The following ADAM12 variants were observed in gnomAD, a reference collection of about 807,000 sequenced individuals.
ADAM12 encodes the protein ADAM metallopeptidase domain 12, also known as disintegrin and metalloproteinase domain-containing protein 12.
A neutral mutation model predicts 106.4 loss-of-function variants in ADAM12; 70 were observed. The observed-to-expected ratio is 0.66, with a 90% CI of 0.54 to 0.80. The LOEUF is 0.80. ADAM12 is among the 30% of genes least tolerant of loss of function. The pLI, the probability that ADAM12 is intolerant of heterozygous loss-of-function variation, is 0.00. For missense variants in ADAM12, 1,010 were observed against 1,171.9 expected (o/e 0.86, Z 2.02); for synonymous variants, 420 against 433.5 (o/e 0.97, Z 0.39).
rs548350066 is a variant in ADAM12 at position 126,304,806 on chromosome 10, T to C, written c.186+25606A>G. Among the ~76,000 whole-genome samples, 6 of 151,870 alleles carry C rather than the reference T, an allele frequency of 4.0e-5. No homozygotes were observed. The South Asian group carries it at 1.0e-3, about 26-fold the overall frequency. On this transcript the variant is annotated intron_variant, in intron 2 of 22. Transcript: ENST00000448723. ...TCTGAACGTTTACAAAAAAAAAATATATTTGAATGGCCAATAAGTTCCATG... is the reference window on the plus strand; with the variant it reads ...TCTGAACGTTTACAAAAAAAAAATACATTTGAATGGCCAATAAGTTCCATG...
chr10:126,049,568 C>A lies in ADAM12; in HGVS notation c.1711G>T (p.Glu571Ter). 6.2e-7 allele frequency: 1 copy of A among 1,614,128 alleles called. No individual in the cohort carries two copies. The highest frequency in any genetic ancestry group is 8.5e-7 in the Non-Finnish European group (1 of 1,179,988). The change falls in exon 15 of 23, where the codon GAG becomes TAG. Residue 571 changes from glutamate to a stop codon, truncating the protein, a stop_gained. Transcript: ENST00000448723. LOFTEE classifies it high-confidence loss of function. This position sits in a 1 kb window ranked among gnomAD's most constrained non-coding sequence, Gnocchi z 4.4. ...KVSKSSFAKC[E>*]MRDAKCGKIQ... Reference sequence around the variant, plus strand: ...GATGTCTGGATTCCATACCTCATCTCGCATTTGGCAAAGGAACTCTTCGAG... The same window carrying A: ...GATGTCTGGATTCCATACCTCATCTAGCATTTGGCAAAGGAACTCTTCGAG...
At position 126,158,820 on chromosome 10, in the gene ADAM12, C is replaced by T. The variant is rs539664154; in HGVS notation, c.261-3515G>A. Among the ~76,000 whole-genome samples the T allele has an allele frequency of 1.6e-3, 212 of 136,274 alleles. 1 individual carries two copies. The highest frequency in any genetic ancestry group is 3.4e-4 in the Non-Finnish European group (22 of 64,606). The allele number at this position is 136,274 out of a possible 152,430, so 89.4% of individuals were successfully genotyped here. ...TGCACACAGCACGGTGGGGAGGATGCGCAGAGCACGGGGAGTAGATGCACA... is the reference window on the plus strand; with the variant it reads ...TGCACACAGCACGGTGGGGAGGATGTGCAGAGCACGGGGAGTAGATGCACA... On this transcript the variant is annotated intron_variant, in intron 3 of 22. Coordinates refer to ENST00000448723, the MANE Select transcript of ADAM12 (RefSeq NM_001288973.2).
intron 3 of ADAM12, among the ~76,000 whole-genome samples, chr10:126,230,358 C>A (rs1364042234): frequency 6.6e-6 from 1 of 152,196 alleles, no homozygotes; most frequent in Non-Finnish European, 1.5e-5. Flanking sequence ...GACCACACTG[C>A]AATGAATATA....
At chr10:126,036,663 A>G (rs188290837) in intron 20 of ADAM12, among the ~76,000 whole-genome samples, 50 of 152,302 alleles carry the variant, frequency 3.3e-4, no homozygotes, top group Non-Finnish European at 1.9e-4. Context: ...GGAAGTTACA[A>G]AAGAGATGTG....
chr10:126,330,617 G>T, intron 1 of ADAM12, 108 bp from the exon 2 acceptor site: 1 of 968,810 alleles, frequency 1.0e-6, no homozygotes, highest in Non-Finnish European at 1.6e-6. Flanking sequence ...AGTTAAATAA[G>T]CCCAGGGAAA....
rs1380047762 is a variant in ADAM12 at position 126,086,669 on chromosome 10, AAAAAAAAAAAAATATATATAT to A, written c.1145+7295_1145+7315del. Among the ~76,000 whole-genome samples, 142 of 58,884 alleles carry A rather than the reference AAAAAAAAAAAAATATATATAT, an allele frequency of 2.4e-3. 3 individuals are homozygous for A. The highest frequency in any genetic ancestry group is 0.015 in the African/African-American group (137 of 8,912). The allele number at this position is 58,884 out of a possible 152,430, so 38.6% of individuals were successfully genotyped here. A position where few individuals can be genotyped will look rare whatever the true frequency, so the allele number is the denominator to read the frequency against. On this transcript the variant is annotated intron_variant, in intron 11 of 22. Transcript: ENST00000448723. The stretch of plus-strand genomic sequence containing the variant: ...TCTGCCTCAAAAAAAAAAAAAAAAA[AAAAAAAAAAAAATATATATAT>A]ATATATATATATATATAAAATAAAA...
chr10:126,036,863 T>G (rs1207537835), intron 20 of ADAM12, among the ~76,000 whole-genome samples: 1 of 152,198 alleles, frequency 6.6e-6, no homozygotes, highest in Admixed American at 6.5e-5. Flanking sequence ...CTTCTACCCC[T>G]TCCTTCCTCT....
intron 14 of ADAM12, among the ~76,000 whole-genome samples, chr10:126,061,208 A>C (rs1954749262): frequency 6.6e-6 from 1 of 152,196 alleles, no homozygotes; most frequent in South Asian, 2.1e-4. Context: ...TCACTAGTCT[A>C]AGCTTCCTGG....
At chr10:126,352,149 C>CA (rs1283312904) in intron 1 of ADAM12, among the ~76,000 whole-genome samples, 1 of 152,170 alleles carries the variant, frequency 6.6e-6, no homozygotes, top group East Asian at 1.9e-4. Context: ...AGTTTCCCGT[C>CA]AAGCCCTCTA....
chr10:126,061,021 C>G (rs776767190), intron 14 of ADAM12, among the ~76,000 whole-genome samples: 9 of 152,230 alleles, frequency 5.9e-5, no homozygotes, highest in Non-Finnish European at 1.0e-4. Flanking sequence ...GTGCCCTGAG[C>G]TGTTGCTGTT....
At chr10:126,101,788 AG>A (rs1377310550) in intron 8 of ADAM12, among the ~76,000 whole-genome samples, 87 of 152,260 alleles carry the variant, frequency 5.7e-4, no homozygotes, top group African/African-American at 2.0e-3. Context: ...AATAAAATAA[AG>A]AAGTCAATAT....
chr10:126,249,498 G>A (rs1032071994), intron 3 of ADAM12, among the ~76,000 whole-genome samples: 1 of 152,224 alleles, frequency 6.6e-6, no homozygotes, highest in Non-Finnish European at 1.5e-5. Flanking sequence ...AGGAGATCAA[G>A]ACCATCCTGG....
chr10:126,329,743 T>C (rs762187924), intron 2 of ADAM12, among the ~76,000 whole-genome samples: 11 of 152,206 alleles, frequency 7.2e-5, no homozygotes, highest in African/African-American at 1.4e-4. Flanking sequence ...TCTGCTATTA[T>C]GAAAAATGAT....
intron 3 of ADAM12, among the ~76,000 whole-genome samples, chr10:126,236,379 G>A (rs1275813151): frequency 1.3e-5 from 2 of 152,214 alleles, no homozygotes; most frequent in African/African-American, 4.8e-5. Flanking sequence ...TGGGGAGCAG[G>A]AGAGCAAACC....
At chr10:126,225,299 A>G (rs1958171387) in intron 3 of ADAM12, among the ~76,000 whole-genome samples, 1 of 152,232 alleles carries the variant, frequency 6.6e-6, no homozygotes, top group South Asian at 2.1e-4. Context: ...AAATAATGAG[A>G]AAGGAGTTAT....
chr10:126,196,178 T>C (rs541136292), intron 3 of ADAM12, among the ~76,000 whole-genome samples: 2 of 152,260 alleles, frequency 1.3e-5, no homozygotes, highest in Non-Finnish European at 2.9e-5. Context: ...GGATGCTATT[T>C]GGGTTGATTT....
chr10:126,365,359 A>C (rs1855874148), intron 1 of ADAM12, among the ~76,000 whole-genome samples: 1 of 152,224 alleles, frequency 6.6e-6, no homozygotes, highest in East Asian at 1.9e-4. Flanking sequence ...TTGGCAAAGT[A>C]AATATGATAA....
intron 2 of ADAM12, among the ~76,000 whole-genome samples, chr10:126,286,431 CAG>C (rs1959863838): frequency 1.3e-5 from 2 of 152,130 alleles, no homozygotes; most frequent in Non-Finnish European, 2.9e-5. Context: ...ACTGGAAGCT[CAG>C]AGGGATCTAA....
intron 5 of ADAM12, among the ~76,000 whole-genome samples, chr10:126,134,042 G>A (rs996763911): frequency 2.0e-5 from 3 of 152,084 alleles, no homozygotes; most frequent in Admixed American, 6.5e-5. Context: ...GTTCAGTGCC[G>A]TGCCCCCAGA....
Sources: gnomAD v4.1 joint callset for allele counts (sites outside exome capture counted in the v4.1 genomes callset) on GRCh38, gnomAD v4.1.1 for gene constraint, Gnocchi (gnomAD v3.1) non-coding constraint, MANE v1.5 for transcripts, NCBI Gene and HGNC (gene_info 2026-07-23, HGNC 2026-07-21) for gene names.